Variants in CNIH3 observed in about 807,000 individuals in gnomAD.
CNIH3 encodes the protein protein cornichon homolog 3.
CNIH3 carries 14 observed loss-of-function variants against 24.1 expected under a neutral mutation model. That is an observed-to-expected ratio of 0.58 (90% CI 0.38 to 0.91). CNIH3 has a LOEUF of 0.91. Among genes scored for constraint, CNIH3 ranks in the 40% least tolerant of loss-of-function variants. The pLI is 0.00. For missense variants in CNIH3, 178 were observed against 196.8 expected, an observed-to-expected ratio of 0.90 and a Z score of 0.57; for synonymous variants, 68 against 73.8, an observed-to-expected ratio of 0.92 and a Z score of 0.40.
intron 1 of CNIH3, among the ~76,000 whole-genome samples, chr1:224,495,354 T>C (rs1677396016): frequency 1.3e-5 from 2 of 152,230 alleles, no homozygotes; most frequent in African/African-American, 4.8e-5. Context: ...GATTTTTTAC[T>C]ACAAGATCAA....
chr1:224,515,396 A>C (rs996028030), upstream of CNIH3, among the ~76,000 whole-genome samples: 1 of 152,244 alleles, frequency 6.6e-6, no homozygotes. Flanking sequence ...GTTAACTGCA[A>C]TGGTTTCATT....
chr1:224,692,329 A>G (rs1260413520), intron 3 of CNIH3, among the ~76,000 whole-genome samples: 1 of 152,144 alleles, frequency 6.6e-6, no homozygotes, highest in Non-Finnish European at 1.5e-5. Context: ...GGAATGGAGA[A>G]GATGGTGCCT....
chr1:224,501,656 C>T (rs1337173391), intron 1 of CNIH3, among the ~76,000 whole-genome samples: 1 of 151,672 alleles, frequency 6.6e-6, no homozygotes, highest in Non-Finnish European at 1.5e-5. Flanking sequence ...TCTCGGCTCA[C>T]TACAACCTCC....
At chr1:224,670,923 G>A (rs1225205525) in intron 1 of CNIH3, among the ~76,000 whole-genome samples, 1 of 152,244 alleles carries the variant, frequency 6.6e-6, no homozygotes, top group African/African-American at 2.4e-5. Flanking sequence ...TTTTGGATAA[G>A]ATTAATATTT....
intron 1 of CNIH3, chr1:224,459,245 G>A: frequency 4.1e-6 from 4 of 978,954 alleles, no homozygotes; most frequent in Non-Finnish European, 4.9e-6. Context: ...GATGTCACAT[G>A]CTGGAGGAAA....
At chr1:224,709,386 C>G (rs979458833) in intron 3 of CNIH3, among the ~76,000 whole-genome samples, 51 of 152,306 alleles carry the variant, frequency 3.3e-4, no homozygotes, top group African/African-American at 1.1e-3. Context: ...ATCACACTTA[C>G]CCACCTCTCT....
At chr1:224,449,033 T>A (rs1381008344) in intron 1 of CNIH3, among the ~76,000 whole-genome samples, 1 of 151,192 alleles carries the variant, frequency 6.6e-6, no homozygotes, top group African/African-American at 2.4e-5. Flanking sequence ...GGCATGATCT[T>A]GGCTCACTGC....
chr1:224,549,887 TG>T (rs1679845445), intron 3 of CNIH3, among the ~76,000 whole-genome samples: 2 of 152,166 alleles, frequency 1.3e-5, no homozygotes, highest in African/African-American at 4.8e-5. Context: ...ATGTAAACAC[TG>T]GTTATTAAAG....
At chr1:224,673,604 G>A (rs6666929) in intron 1 of CNIH3, among the ~76,000 whole-genome samples, 32,807 of 151,968 alleles carry the variant, frequency 0.22, 3,574 homozygotes, top group East Asian at 0.26. Context: ...CTCTACTCCC[G>A]ATTCTGTTTC....
At chr1:224,439,554 AC>A (rs916416619) in intron 1 of CNIH3, among the ~76,000 whole-genome samples, 2 of 152,028 alleles carry the variant, frequency 1.3e-5, no homozygotes, top group East Asian at 1.9e-4. Context: ...AAAAAAAAAA[AC>A]ATTTAACACT....
At chr1:224,642,265 C>G (rs987746454) in intron 1 of CNIH3, among the ~76,000 whole-genome samples, 6 of 152,144 alleles carry the variant, frequency 3.9e-5, no homozygotes, top group Non-Finnish European at 8.8e-5. Flanking sequence ...GGGTCTTGCT[C>G]TGTCTCCCAG....
rs186100188 is a variant in CNIH3, at chr1:224,688,370, T to G, written c.198+3527T>G. Among the ~76,000 whole-genome samples, 71 of 152,324 alleles carry G rather than the reference T, an allele frequency of 4.7e-4. 1 individual carries two copies. The highest frequency in any genetic ancestry group is 3.1e-3 in the Admixed American group (48 of 15,304). On this transcript the variant is annotated intron_variant, in intron 3 of 5. Transcript: ENST00000272133. ...CCCAAAGGCATTTAGGTCCTGGGCA[T>G]GCAGGTCTGTCTCCTCTCACTAGAA...
chr1:224,566,600 T>C (rs1680592762), intron 4 of CNIH3, among the ~76,000 whole-genome samples: 1 of 152,190 alleles, frequency 6.6e-6, no homozygotes, highest in Non-Finnish European at 1.5e-5. Context: ...CTCCCACTTA[T>C]GAGTGAGAAC....
At chr1:224,641,883 T>C (rs1372592062) in intron 1 of CNIH3, among the ~76,000 whole-genome samples, 1 of 152,198 alleles carries the variant, frequency 6.6e-6, no homozygotes, top group Non-Finnish European at 1.5e-5. Context: ...ACTCAAGTTG[T>C]ATTTGTAAAA....
At chr1:224,539,881 T>A (rs1679444971), downstream of CNIH3, among the ~76,000 whole-genome samples, 1 of 152,210 alleles carries the variant, frequency 6.6e-6, no homozygotes, top group Non-Finnish European at 1.5e-5. Context: ...AAGTACTATA[T>A]GCTTTATATT....
At chr1:224,466,548 G>A (rs1041515574) in intron 1 of CNIH3, among the ~76,000 whole-genome samples, 2 of 152,176 alleles carry the variant, frequency 1.3e-5, no homozygotes, top group African/African-American at 4.8e-5. Context: ...ATTATAAATA[G>A]AGTTGTTATC....
At chr1:224,508,337 G>A (rs1190751506) in intron 1 of CNIH3, among the ~76,000 whole-genome samples, 1 of 152,196 alleles carries the variant, frequency 6.6e-6, no homozygotes, top group African/African-American at 2.4e-5. Context: ...TCTGGCATTT[G>A]AAGGGGCAGG....
chr1:224,533,345 A>G (rs1679153280), intron 2 of CNIH3, among the ~76,000 whole-genome samples: 1 of 150,046 alleles, frequency 6.7e-6, no homozygotes, highest in Non-Finnish European at 1.5e-5. Flanking sequence ...TGAGCCTAGG[A>G]GTTCAAGATT....
chr1:224,649,509 T>C (rs1353862349), intron 1 of CNIH3, among the ~76,000 whole-genome samples: 2 of 152,236 alleles, frequency 1.3e-5, no homozygotes, highest in South Asian at 2.1e-4. Flanking sequence ...AATACTATAA[T>C]GTATACCTAA....
Sources: allele counts gnomAD v4.1 joint callset (sites outside exome capture counted in the v4.1 genomes callset), GRCh38; gene constraint gnomAD v4.1.1; transcripts MANE v1.5; gene names NCBI Gene and HGNC (gene_info 2026-07-23, HGNC 2026-07-21).